Variants in STK3 observed in about 807,000 individuals in gnomAD.
The protein encoded by STK3 is serine/threonine kinase 3, also known as serine/threonine-protein kinase 3.
STK3 carries 41 observed loss-of-function variants against 58.0 expected under a neutral mutation model. The observed-to-expected ratio is 0.71, with a 90% confidence interval of 0.55 to 0.92. The LOEUF is 0.92. Among genes scored for constraint, STK3 ranks in the 40% least tolerant of loss-of-function variants. The probability of loss-of-function intolerance (pLI) is 0.00; values close to 1 mark genes in which losing one functional copy is unlikely to be tolerated. For synonymous variants in STK3, 170 were observed against 191.0 expected (o/e 0.89, Z 0.91); for missense variants, 479 against 602.7 (o/e 0.79, Z 2.15).
chr8:98,850,154 G>A (rs957048697), intron 3 of STK3, among the ~76,000 whole-genome samples: 23 of 151,626 alleles, frequency 1.5e-4, no homozygotes, highest in East Asian at 1.9e-4. Context: ...AATGATTTAC[G>A]TATTTATTAT....
chr8:98,508,576 G>C (rs1824265025), intron 10 of STK3, among the ~76,000 whole-genome samples: 2 of 152,104 alleles, frequency 1.3e-5, no homozygotes, highest in South Asian at 4.1e-4. Context: ...CTACAAAACT[G>C]TATATGTACT....
chr8:98,523,053 T>C (rs1364658880), intron 10 of STK3, among the ~76,000 whole-genome samples: 1 of 152,228 alleles, frequency 6.6e-6, no homozygotes, highest in Non-Finnish European at 1.5e-5. Context: ...CTTTGGTACA[T>C]ACCCAGAGGT....
downstream of STK3, among the ~76,000 whole-genome samples, chr8:98,397,147 T>A (rs1026039542): frequency 6.6e-6 from 1 of 152,194 alleles, no homozygotes; most frequent in African/African-American, 2.4e-5. Context: ...TGAGTTTTAC[T>A]CCTAGAAAGA....
intron 6 of STK3, among the ~76,000 whole-genome samples, chr8:98,639,414 A>G (rs190520409): frequency 6.6e-6 from 1 of 152,256 alleles, no homozygotes; most frequent in Non-Finnish European, 1.5e-5. Context: ...TGCCTGGTCC[A>G]ATATGGATAT....
intron 4 of STK3, among the ~76,000 whole-genome samples, chr8:98,711,820 G>C (rs147444954): frequency 0.024 from 3,685 of 152,202 alleles, 80 homozygotes; most frequent in East Asian, 0.083. Flanking sequence ...GCAACTCCAA[G>C]ACACATAATT....
intron 2 of STK3, among the ~76,000 whole-genome samples, chr8:98,767,783 T>A (rs564794758): frequency 2.6e-4 from 40 of 152,228 alleles, no homozygotes; most frequent in Non-Finnish European, 5.1e-4. Context: ...GTCACACTTC[T>A]GTTCAGAGTA....
At chr8:98,752,518 G>C (rs1830046488) in intron 3 of STK3, among the ~76,000 whole-genome samples, 1 of 151,916 alleles carries the variant, frequency 6.6e-6, no homozygotes, top group Non-Finnish European at 1.5e-5. Flanking sequence ...GACAACCTAG[G>C]CAATACCATC....
At chr8:98,676,922 C>T (rs1251534367) in intron 6 of STK3, among the ~76,000 whole-genome samples, 1 of 152,192 alleles carries the variant, frequency 6.6e-6, no homozygotes. Context: ...TGAACCACCA[C>T]TACAGCTAAC....
At chr8:98,893,484 A>G (rs373477408) in intron 1 of STK3, among the ~76,000 whole-genome samples, 1,028 of 42,588 alleles carry the variant, frequency 0.024, 3 homozygotes, top group Non-Finnish European at 0.027. Flanking sequence ...GAAAGAAAGA[A>G]AGAGAAAGAA....
intron 2 of STK3, among the ~76,000 whole-genome samples, chr8:98,434,831 G>T (rs2131081479): frequency 6.6e-6 from 1 of 152,208 alleles, no homozygotes; most frequent in South Asian, 2.1e-4. Flanking sequence ...AGAGGGAACA[G>T]GATAGAGTGA....
intron 8 of STK3, among the ~76,000 whole-genome samples, chr8:98,559,476 G>C (rs568492660): frequency 4.7e-4 from 72 of 152,218 alleles, no homozygotes; most frequent in African/African-American, 1.7e-3. Context: ...CTTTCCAGAG[G>C]AGGCAATGGC....
chr8:98,385,119 T>C (rs935998593), intron 1 of STK3, among the ~76,000 whole-genome samples: 5 of 152,076 alleles, frequency 3.3e-5, no homozygotes, highest in Non-Finnish European at 7.4e-5. Flanking sequence ...GAGAGAAATA[T>C]TTCCCAAGCT....
Position 98,406,304 on chromosome 8 carries a change from G to A in STK3, n.484-4791C>T, listed in dbSNP as rs181322829. On this transcript the variant is annotated intron_variant and non_coding_transcript_variant, in intron 3 of 3. Coordinates refer to the STK3 transcript ENST00000517832. Reference sequence around the variant, plus strand: ...TATTTTATTTTATGTTATTTATTTCGGCTTTCATCTTAGGTTCAGGGGGTA... The same window carrying A: ...TATTTTATTTTATGTTATTTATTTCAGCTTTCATCTTAGGTTCAGGGGGTA... Among the ~76,000 whole-genome samples the A allele has an allele frequency of 5.7e-3, 839 of 146,308 alleles. 10 individuals carry two copies. The highest frequency in any genetic ancestry group is 8.5e-3 in the Non-Finnish European group (567 of 66,778).
chr8:98,580,661 C>A (rs373744637), intron 7 of STK3, among the ~76,000 whole-genome samples: 1 of 152,140 alleles, frequency 6.6e-6, no homozygotes, highest in East Asian at 1.9e-4. Flanking sequence ...TGCCCAGATG[C>A]GAGCACAATG....
chr8:98,449,146 T>C (rs1819083408), intron 1 of STK3, among the ~76,000 whole-genome samples: 1 of 152,220 alleles, frequency 6.6e-6, no homozygotes, highest in African/African-American at 2.4e-5. Context: ...TATCTCAGTC[T>C]CTGGGAACCT....
intron 3 of STK3, among the ~76,000 whole-genome samples, chr8:98,831,820 C>T (rs1217476462): frequency 6.6e-6 from 1 of 152,184 alleles, no homozygotes; most frequent in East Asian, 1.9e-4. Context: ...CCACTGTCCT[C>T]CTTTATCATA....
chr8:98,776,612 C>T (rs745720984), intron 1 of STK3, among the ~76,000 whole-genome samples: 7 of 152,128 alleles, frequency 4.6e-5, no homozygotes, highest in African/African-American at 1.7e-4. Flanking sequence ...ATTTAGAATG[C>T]TGTATATGCT....
At chr8:98,657,706 C>CA (rs1821656218) in intron 6 of STK3, among the ~76,000 whole-genome samples, 1 of 150,414 alleles carries the variant, frequency 6.6e-6, no homozygotes, top group African/African-American at 2.4e-5. Context: ...GATTAAAATG[C>CA]AAAAAAGCAA....
At chr8:98,392,179 T>C (rs1160919946), upstream of STK3, among the ~76,000 whole-genome samples, 1 of 152,232 alleles carries the variant, frequency 6.6e-6, no homozygotes, top group Non-Finnish European at 1.5e-5. Flanking sequence ...TCTCTTGCAG[T>C]TCTGTGATAG....
Sources: allele counts gnomAD v4.1 joint callset (sites outside exome capture counted in the v4.1 genomes callset), GRCh38; gene constraint gnomAD v4.1.1; transcripts MANE v1.5; gene names NCBI Gene and HGNC (gene_info 2026-07-23, HGNC 2026-07-21).